Variants in DKK4 observed in about 807,000 individuals in gnomAD.
The protein encoded by DKK4 is dickkopf Wnt signaling pathway inhibitor 4.
In DKK4, 15 loss-of-function variants were observed where a neutral mutation model predicts 14.5. The ratio of observed to expected loss-of-function variants is 1.03; its 90% CI spans 0.69 to 1.59. DKK4 has a LOEUF of 1.59. Among genes scored for constraint, DKK4 ranks in the 40% most tolerant of loss-of-function variants. DKK4 has a pLI of 0.00. For synonymous variants in DKK4, 89 were observed against 105.2 expected (o/e 0.85, Z 0.94); for missense variants, 272 against 280.3 (o/e 0.97, Z 0.21).
upstream of DKK4, among the ~76,000 whole-genome samples, chr8:42,380,950 A>G (rs1245892446): frequency 6.6e-6 from 1 of 152,094 alleles, no homozygotes; most frequent in African/African-American, 2.4e-5. Flanking sequence ...CGAACAAACG[A>G]AAGAAAGAGA....
chr8:42,379,414 GAGAGAGAGA>G (rs1563415768), upstream of DKK4, among the ~76,000 whole-genome samples: 28 of 130,248 alleles, frequency 2.1e-4, no homozygotes, highest in African/African-American at 8.0e-4. Flanking sequence ...GAGAGAGAGA[GAGAGAGAGA>G]GAGAAAGATT....
the DKK4 span, among the ~76,000 whole-genome samples, chr8:42,386,550 G>A: frequency 6.6e-6 from 1 of 152,140 alleles, no homozygotes; most frequent in African/African-American, 2.4e-5. Flanking sequence ...GGAGTGCAGT[G>A]GCGCCATCTC....
the DKK4 span, among the ~76,000 whole-genome samples, chr8:42,382,737 T>C: frequency 6.6e-6 from 1 of 152,196 alleles, no homozygotes; most frequent in African/African-American, 2.4e-5. Flanking sequence ...ATGCTTCAAG[T>C]TTTGCAGTGA....
rs1486403139 is a variant in DKK4, at chr8:42,374,067, A to G, written c.*33T>C. The G allele has an allele frequency of 1.1e-5, 17 of 1,608,654 alleles. No homozygotes were observed. The highest frequency in any genetic ancestry group is 1.3e-5 in the Non-Finnish European group (15 of 1,178,882). ...AGTTAATGTCCAAGATTGAGCTCAA[A>G]TGCAATGTGGATTCTTCTTTATTTT... On this transcript the variant is annotated 3_prime_UTR_variant, in exon 4 of 4. Transcript: ENST00000220812.
At chr8:42,374,627 A>C in intron 3 of DKK4, 134 bp downstream of exon 3, 1 of 1,328,002 alleles carries the variant, frequency 7.5e-7, no homozygotes, top group East Asian at 2.3e-5. Context: ...TTACAGAAAG[A>C]GATAACAAAC....
chr8:42,381,421 G>A (rs766864156), upstream of DKK4, among the ~76,000 whole-genome samples: 6 of 152,154 alleles, frequency 3.9e-5, no homozygotes, highest in Non-Finnish European at 5.9e-5. Context: ...CAGGCTCTCC[G>A]TTTTGCCTCT....
intron 1 of DKK4, 82 bp from the exon 2 acceptor site, chr8:42,375,912 AG>A: frequency 6.6e-7 from 1 of 1,520,418 alleles, no homozygotes; most frequent in Non-Finnish European, 8.9e-7. Flanking sequence ...CAGGAGGCGG[AG>A]GGAGCCAAAG....
chr8:42,384,055 T>C, the DKK4 span, among the ~76,000 whole-genome samples: 1 of 152,190 alleles, frequency 6.6e-6, no homozygotes, highest in African/African-American at 2.4e-5. Flanking sequence ...TTCCTTCCTG[T>C]GTGCCACGCT....
the DKK4 span, among the ~76,000 whole-genome samples, chr8:42,388,380 C>T: frequency 2.3e-4 from 35 of 152,026 alleles, no homozygotes; most frequent in African/African-American, 7.5e-4. Context: ...CAGGCATGTG[C>T]CACCATGCTC....
chr8:42,390,870 T>C, the DKK4 span, among the ~76,000 whole-genome samples: 203 of 152,296 alleles, frequency 1.3e-3, no homozygotes, highest in African/African-American at 4.7e-3. Flanking sequence ...CCCCGTTTGA[T>C]CAGTCTCTTT....
chr8:42,379,711 G>A (rs142683221), upstream of DKK4, among the ~76,000 whole-genome samples: 68 of 152,162 alleles, frequency 4.5e-4, 3 homozygotes, highest in East Asian at 7.1e-3. Context: ...TTGGGAAGTC[G>A]GAGATATCCT....
At chr8:42,380,129 T>A (rs1242946480), upstream of DKK4, among the ~76,000 whole-genome samples, 1 of 151,872 alleles carries the variant, frequency 6.6e-6, no homozygotes, top group Non-Finnish European at 1.5e-5. Flanking sequence ...AGCCAGGAGT[T>A]CAAGAGCAGC....
chr8:42,385,826 G>A, the DKK4 span, among the ~76,000 whole-genome samples: 3 of 152,020 alleles, frequency 2.0e-5, no homozygotes, highest in African/African-American at 7.3e-5. Context: ...CCAAATCTTA[G>A]AAATGTTGGA....
At chr8:42,383,582 G>A in the DKK4 span, among the ~76,000 whole-genome samples, 2 of 152,238 alleles carry the variant, frequency 1.3e-5, no homozygotes, top group Non-Finnish European at 2.9e-5. Flanking sequence ...ATCTGGCTGG[G>A]AATAGCACCA....
chr8:42,388,256 G>A, the DKK4 span, among the ~76,000 whole-genome samples: 1 of 152,064 alleles, frequency 6.6e-6, no homozygotes, highest in African/African-American at 2.4e-5. Flanking sequence ...TTGAGAGGGA[G>A]TTTCACTCTG....
At chr8:42,374,967 A>T (rs1824530476) in intron 2 of DKK4, 54 bp from the exon 3 acceptor site, 8 of 1,580,398 alleles carry the variant, frequency 5.1e-6, no homozygotes, top group Non-Finnish European at 6.9e-6. Context: ...GGAGAACCAC[A>T]GACACACTAA....
At chr8:42,388,419 G>A in the DKK4 span, among the ~76,000 whole-genome samples, 13 of 151,748 alleles carry the variant, frequency 8.6e-5, no homozygotes, top group African/African-American at 2.9e-4. Flanking sequence ...TAGTAGAGAC[G>A]GGGTTTCACC....
At chr8:42,379,695 C>T (rs907696013), upstream of DKK4, among the ~76,000 whole-genome samples, 5 of 151,906 alleles carry the variant, frequency 3.3e-5, no homozygotes, top group Admixed American at 6.6e-5. Flanking sequence ...ATAGGGGCTT[C>T]CTAAGTTGGG....
chr8:42,389,275 A>G, the DKK4 span, among the ~76,000 whole-genome samples: 3 of 152,348 alleles, frequency 2.0e-5, no homozygotes, highest in East Asian at 5.8e-4. Context: ...ATCCACTACA[A>G]TCCTGAGTAG....
Sources: allele counts gnomAD v4.1 joint callset (sites outside exome capture counted in the v4.1 genomes callset), GRCh38; gene constraint gnomAD v4.1.1; transcripts MANE v1.5; gene names NCBI Gene and HGNC (gene_info 2026-07-23, HGNC 2026-07-21).